Variants in PPM1H observed in about 807,000 individuals in gnomAD.
PPM1H encodes the protein protein phosphatase, Mg2+/Mn2+ dependent 1H, also known as protein phosphatase 1H.
In PPM1H, 27 loss-of-function variants were observed where a neutral mutation model predicts 54.9. The observed-to-expected ratio is 0.49, with a 90% CI of 0.36 to 0.68. PPM1H has a LOEUF of 0.68. Among genes scored for constraint, PPM1H ranks in the 30% least tolerant of loss-of-function variants. PPM1H has a pLI of 0.00. For synonymous variants in PPM1H, 305 were observed against 270.8 expected, an observed-to-expected ratio of 1.13 and a Z score of -1.24; for missense variants, 596 against 667.8, an observed-to-expected ratio of 0.89 and a Z score of 1.19.
At chr12:62,898,385 C>A (rs1871060204) in intron 1 of PPM1H, among the ~76,000 whole-genome samples, 1 of 152,154 alleles carries the variant, frequency 6.6e-6, no homozygotes, top group African/African-American at 2.4e-5. Context: ...CTCCAAGTGG[C>A]CAAAAATATT....
intron 9 of PPM1H, among the ~76,000 whole-genome samples, chr12:62,663,019 T>C (rs1413634267): frequency 6.6e-6 from 1 of 152,208 alleles, no homozygotes; most frequent in Non-Finnish European, 1.5e-5. Flanking sequence ...CTCAACATTA[T>C]GTTTTTGAGA....
At chr12:62,814,121 C>T (rs1226024841) in intron 2 of PPM1H, among the ~76,000 whole-genome samples, 1 of 152,076 alleles carries the variant, frequency 6.6e-6, no homozygotes, top group Admixed American at 6.6e-5. Flanking sequence ...GCTCTGTCAC[C>T]CAAGCTGGAG....
intron 4 of PPM1H, among the ~76,000 whole-genome samples, chr12:62,753,163 C>A (rs1303029232): frequency 6.6e-6 from 1 of 152,190 alleles, no homozygotes; most frequent in Admixed American, 6.5e-5. Context: ...ACTGAACTAA[C>A]ATATTAAGTG....
chr12:62,850,764 C>T lies in PPM1H; in HGVS notation c.246-18485G>A, dbSNP rs187025786. 4 of 150,962 alleles carry T rather than the reference C, an allele frequency of 2.6e-5. No individual in the cohort carries two copies. The East Asian group carries it at 7.8e-4, about 29-fold the overall frequency. 9.4% of individuals were successfully genotyped at this position (150,962 alleles called of 1,614,324 possible). A position where few individuals can be genotyped will look rare whatever the true frequency, so the allele number is the denominator to read the frequency against. On this transcript the variant is annotated intron_variant, in intron 1 of 9. Transcript: ENST00000228705. ...AGGGGAAAGCATGAATGCAGTCCCC[C>T]ACTACCACAAATCATGCAGTCGAGT...
At chr12:62,821,659 C>G (rs1265693488) in intron 2 of PPM1H, among the ~76,000 whole-genome samples, 1 of 152,146 alleles carries the variant, frequency 6.6e-6, no homozygotes, top group Non-Finnish European at 1.5e-5. Flanking sequence ...TCCAGCCAAA[C>G]TAAGCTTCAT....
intron 6 of PPM1H, among the ~76,000 whole-genome samples, chr12:62,710,018 C>T (rs1461065867): frequency 1.3e-5 from 2 of 151,584 alleles, no homozygotes; most frequent in Non-Finnish European, 1.5e-5. Flanking sequence ...TGCAGTGAGC[C>T]GAGATCACGC....
chr12:62,891,705 G>A (rs1422867334), intron 1 of PPM1H, among the ~76,000 whole-genome samples: 2 of 152,096 alleles, frequency 1.3e-5, no homozygotes, highest in Non-Finnish European at 2.9e-5. Flanking sequence ...CATATCTTTG[G>A]TGACTAAAAG....
chr12:62,924,975 A>C (rs1374510104), intron 1 of PPM1H, among the ~76,000 whole-genome samples: 1 of 152,124 alleles, frequency 6.6e-6, no homozygotes, highest in East Asian at 1.9e-4. Flanking sequence ...CCCAGGAGGC[A>C]GAGGCTGCGT....
At chr12:62,773,734 A>T (rs1281780005) in intron 4 of PPM1H, among the ~76,000 whole-genome samples, 1 of 152,176 alleles carries the variant, frequency 6.6e-6, no homozygotes. Context: ...GAGAGCCAGA[A>T]GGAACTCAAA....
At chr12:62,816,497 T>G (rs965534476) in intron 2 of PPM1H, among the ~76,000 whole-genome samples, 3 of 152,204 alleles carry the variant, frequency 2.0e-5, no homozygotes, top group Non-Finnish European at 4.4e-5. Flanking sequence ...GTGTGTAAGC[T>G]GCATACAAAA....
At chr12:62,715,562 G>C (rs1408314541) in intron 6 of PPM1H, among the ~76,000 whole-genome samples, 1 of 152,058 alleles carries the variant, frequency 6.6e-6, no homozygotes, top group South Asian at 2.1e-4. Context: ...CACAGTCTCC[G>C]TGAAAGCATG....
chr12:62,737,027 G>T (rs2076353240), intron 5 of PPM1H, among the ~76,000 whole-genome samples: 1 of 152,098 alleles, frequency 6.6e-6, no homozygotes, highest in African/African-American at 2.4e-5. Flanking sequence ...CAAAGGGCCT[G>T]TAAGACTTCA....
At chr12:62,762,684 T>C (rs35931983) in intron 4 of PPM1H, among the ~76,000 whole-genome samples, 13,142 of 152,246 alleles carry the variant, frequency 0.086, 747 homozygotes, top group South Asian at 0.2. Flanking sequence ...GGGCCATTTC[T>C]GTGTGTAAGT....
At chr12:62,780,058 A>G (rs951541470) in intron 4 of PPM1H, among the ~76,000 whole-genome samples, 3 of 152,220 alleles carry the variant, frequency 2.0e-5, no homozygotes, top group Admixed American at 6.5e-5. Context: ...AGGATTAATG[A>G]GGTTATTTAT....
chr12:62,870,986 T>C (rs1234600487), intron 1 of PPM1H, among the ~76,000 whole-genome samples: 2 of 152,202 alleles, frequency 1.3e-5, no homozygotes, highest in Admixed American at 1.3e-4. Flanking sequence ...GTGCAGCCAC[T>C]TTGGAAAACA....
chr12:62,663,989 T>C (rs1051098734), intron 9 of PPM1H, among the ~76,000 whole-genome samples: 2 of 49,972 alleles, frequency 4.0e-5, no homozygotes, highest in African/African-American at 7.7e-5. Context: ...CGAAACTCCA[T>C]CTCAAAAAAA....
chr12:62,770,548 C>CTTTT (rs5798658), intron 4 of PPM1H, among the ~76,000 whole-genome samples: 2,128 of 149,812 alleles, frequency 0.014, 47 homozygotes, highest in African/African-American at 0.049. Flanking sequence ...TATAATACAG[C>CTTTT]TTTTTTTTTT....
At chr12:62,928,514 T>C (rs542810630) in intron 1 of PPM1H, among the ~76,000 whole-genome samples, 1 of 152,270 alleles carries the variant, frequency 6.6e-6, no homozygotes, top group East Asian at 1.9e-4. Context: ...CACAGTTAAA[T>C]AACTGCAGTC....
chr12:62,917,191 T>C (rs558669233), intron 1 of PPM1H, among the ~76,000 whole-genome samples: 5 of 152,364 alleles, frequency 3.3e-5, no homozygotes, highest in African/African-American at 1.2e-4. Flanking sequence ...AAGTACAAAG[T>C]ATTGATTAAA....
Sources: gnomAD v4.1 joint callset for allele counts (sites outside exome capture counted in the v4.1 genomes callset) on GRCh38, gnomAD v4.1.1 for gene constraint, MANE v1.5 for transcripts, NCBI Gene and HGNC (gene_info 2026-07-23, HGNC 2026-07-21) for gene names.